The following SMYD3 variants were observed in gnomAD, a reference collection of about 807,000 sequenced individuals.
SMYD3 encodes the protein SET and MYND domain containing 3, also known as histone-lysine N-methyltransferase SMYD3.
In SMYD3, 36 loss-of-function variants were observed where a neutral mutation model predicts 57.7. That is an observed-to-expected ratio of 0.62 (90% confidence interval 0.48 to 0.82). The LOEUF (loss-of-function observed/expected upper bound fraction) is 0.82. Among genes scored for constraint, SMYD3 ranks in the 40% least tolerant of loss-of-function variants. The probability of loss-of-function intolerance (pLI) is 0.00; values close to 1 mark genes in which losing one functional copy is unlikely to be tolerated. For synonymous variants in SMYD3, 211 were observed against 195.0 expected, an observed-to-expected ratio of 1.08 and a Z score of -0.68; for missense variants, 515 against 538.8, an observed-to-expected ratio of 0.96 and a Z score of 0.44.
At chr1:245,952,376 G>A (rs2057685552) in intron 5 of SMYD3, among the ~76,000 whole-genome samples, 1 of 151,928 alleles carries the variant, frequency 6.6e-6, no homozygotes, top group Non-Finnish European at 1.5e-5. Flanking sequence ...ACAAAGACCA[G>A]GAGGAAAAAG....
chr1:246,214,389 A>G (rs1048612182), intron 5 of SMYD3, among the ~76,000 whole-genome samples: 3 of 152,192 alleles, frequency 2.0e-5, no homozygotes, highest in Admixed American at 2.0e-4. Flanking sequence ...AAGATATCTC[A>G]AAGGAAAAAT....
chr1:246,375,498 C>G (rs1455061812), intron 1 of SMYD3, among the ~76,000 whole-genome samples: 1 of 152,038 alleles, frequency 6.6e-6, no homozygotes, highest in East Asian at 1.9e-4. Context: ...GAAGTGTATT[C>G]ACAAAGATGT....
chr1:246,265,672 T>C (rs1388856513), intron 5 of SMYD3, among the ~76,000 whole-genome samples: 1 of 151,548 alleles, frequency 6.6e-6, no homozygotes, highest in Admixed American at 6.6e-5. Context: ...GGAATAAACA[T>C]GTCAGAAATA....
At chr1:246,002,801 G>C (rs922395248) in intron 5 of SMYD3, among the ~76,000 whole-genome samples, 3 of 152,016 alleles carry the variant, frequency 2.0e-5, no homozygotes, top group African/African-American at 4.8e-5. Context: ...CCAGCCTAGA[G>C]TGCAGTGGTG....
At chr1:245,991,072 A>G (rs376722251) in intron 5 of SMYD3, among the ~76,000 whole-genome samples, 33 of 152,264 alleles carry the variant, frequency 2.2e-4, no homozygotes, top group African/African-American at 7.7e-4. Context: ...AAAATTCAGT[A>G]TCAAACATTC....
intron 10 of SMYD3, among the ~76,000 whole-genome samples, chr1:245,849,290 T>C (rs1439861425): frequency 1.3e-5 from 2 of 152,130 alleles, no homozygotes; most frequent in African/African-American, 4.8e-5. Flanking sequence ...GCTTGAGTGT[T>C]AAAAGAGGGG....
chr1:245,877,978 G>A (rs547858743), intron 8 of SMYD3, among the ~76,000 whole-genome samples: 40 of 152,290 alleles, frequency 2.6e-4, no homozygotes, highest in Admixed American at 6.5e-4. Flanking sequence ...AAGCGGAGAA[G>A]TAAAGGAGGG....
At chr1:246,126,229 G>T (rs948129391) in intron 5 of SMYD3, among the ~76,000 whole-genome samples, 1 of 152,142 alleles carries the variant, frequency 6.6e-6, no homozygotes, top group Admixed American at 6.5e-5. Context: ...GGGTACTAGG[G>T]ACCATTTTCA....
At chr1:246,400,828 TA>T (rs146267062) in intron 1 of SMYD3, among the ~76,000 whole-genome samples, 10,410 of 147,826 alleles carry the variant, frequency 0.07, 679 homozygotes, top group East Asian at 0.32. Flanking sequence ...CCTAGGCAAA[TA>T]AAAAAAAAAC....
At chr1:246,124,344 T>C (rs377269491) in intron 5 of SMYD3, among the ~76,000 whole-genome samples, 1 of 148,136 alleles carries the variant, frequency 6.8e-6, no homozygotes, top group Non-Finnish European at 1.5e-5. Flanking sequence ...AATGAATGAA[T>C]AAAAAAAGAA....
intron 5 of SMYD3, among the ~76,000 whole-genome samples, chr1:246,077,735 T>C (rs567096853): frequency 6.6e-6 from 1 of 152,096 alleles, no homozygotes; most frequent in Admixed American, 6.5e-5. Flanking sequence ...CACTACTCTA[T>C]GTGCCCATAA....
chr1:245,751,147 G>A (rs1160903788), intron 11 of SMYD3, among the ~76,000 whole-genome samples: 3 of 152,186 alleles, frequency 2.0e-5, no homozygotes, highest in Non-Finnish European at 4.4e-5. Context: ...TATTTACTAA[G>A]CTACTCCTGG....
At chr1:245,991,328 G>A (rs902052405) in intron 5 of SMYD3, among the ~76,000 whole-genome samples, 2 of 152,202 alleles carry the variant, frequency 1.3e-5, no homozygotes, top group African/African-American at 4.8e-5. Context: ...TAGAGCCACA[G>A]CTTAAAAGTT....
intron 10 of SMYD3, among the ~76,000 whole-genome samples, chr1:245,806,864 C>G (rs146765131): frequency 5.9e-5 from 8 of 135,668 alleles, no homozygotes; most frequent in South Asian, 2.4e-4. Flanking sequence ...GAGCCGAGAT[C>G]GCGCCACTGC....
At chr1:246,275,822 G>T (rs142107612) in intron 5 of SMYD3, among the ~76,000 whole-genome samples, 10,935 of 137,620 alleles carry the variant, frequency 0.079, no homozygotes, top group East Asian at 0.12. Flanking sequence ...AATGCCTCTA[G>T]TGGAGTCTGA....
chr1:246,113,459 G>A (rs927127912), intron 5 of SMYD3, among the ~76,000 whole-genome samples: 1 of 152,106 alleles, frequency 6.6e-6, no homozygotes, highest in Admixed American at 6.5e-5. Context: ...AAGAACAAAG[G>A]TTTCAAATAA....
chr1:245,924,654 G>GGTTTTTTTTTTTTTT (rs1558499827), intron 7 of SMYD3, among the ~76,000 whole-genome samples: 5 of 115,128 alleles, frequency 4.3e-5, no homozygotes, highest in Non-Finnish European at 1.7e-5. Context: ...CTCTATTCCA[G>GGTTTTTTTTTTTTTT]CTTTTTTTTT....
At chr1:246,093,046 C>G (rs944158746) in intron 5 of SMYD3, among the ~76,000 whole-genome samples, 1 of 151,940 alleles carries the variant, frequency 6.6e-6, no homozygotes, top group Non-Finnish European at 1.5e-5. Flanking sequence ...AAATGCAAAT[C>G]AAAACCATAA....
intron 8 of SMYD3, among the ~76,000 whole-genome samples, chr1:245,865,271 G>T (rs757496102): frequency 1.3e-5 from 2 of 152,172 alleles, no homozygotes; most frequent in African/African-American, 4.8e-5. Context: ...CAGGCAGGGA[G>T]TGGAAAAAGT....
Sources: allele counts gnomAD v4.1 joint callset (sites outside exome capture counted in the v4.1 genomes callset), GRCh38; gene constraint gnomAD v4.1.1; transcripts MANE v1.5; gene names NCBI Gene and HGNC (gene_info 2026-07-23, HGNC 2026-07-21).